CSMD1: variants seen among roughly 807,000 people sequenced by gnomAD.
The protein encoded by CSMD1 is CUB and Sushi multiple domains 1, also known as CUB and sushi domain-containing protein 1.
In CSMD1, 213 loss-of-function variants were observed where a neutral mutation model predicts 417.5. The observed-to-expected ratio is 0.51, with a 90% CI of 0.46 to 0.57. The LOEUF (loss-of-function observed/expected upper bound fraction) is 0.57. Ranked by LOEUF, CSMD1 falls within the 20% of genes least tolerant of loss-of-function variation. CSMD1 has a pLI of 0.00. For synonymous variants in CSMD1, 2,862 were observed against 1,736.8 expected, an observed-to-expected ratio of 1.65 and a Z score of -16.11; for missense variants, 6,923 against 4,529.7, an observed-to-expected ratio of 1.53 and a Z score of -15.17.
chr8:4,866,771 A>G lies in CSMD1; in HGVS notation c.85+127561T>C, dbSNP rs1004501837. ...CTCATTTTTTAAAATTATTATAAACACAAGGTAATGGACGAAAAGCAAAAA... is the reference window on the plus strand; with the variant it reads ...CTCATTTTTTAAAATTATTATAAACGCAAGGTAATGGACGAAAAGCAAAAA... On this transcript the variant is annotated intron_variant, in intron 1 of 69. Transcript: ENST00000635120. Among the ~76,000 whole-genome samples the G allele has an allele frequency of 3.9e-5, 6 of 152,058 alleles. No individual in the cohort carries two copies. In the East Asian group the frequency reaches 7.7e-4, roughly 19 times the overall value.
chr8:3,030,439 A>T (rs75087508), intron 50 of CSMD1, among the ~76,000 whole-genome samples: 6,432 of 151,864 alleles, frequency 0.042, 475 homozygotes, highest in African/African-American at 0.15. Context: ...GACTATAGCT[A>T]TTTTCAGAAT....
chr8:4,045,439 G>C (rs1165514382), intron 3 of CSMD1, among the ~76,000 whole-genome samples: 1 of 152,188 alleles, frequency 6.6e-6, no homozygotes, highest in Non-Finnish European at 1.5e-5. Flanking sequence ...AGAAATGACT[G>C]CTGAGAACGT....
intron 5 of CSMD1, among the ~76,000 whole-genome samples, chr8:3,878,578 T>A (rs1191395784): frequency 1.3e-5 from 2 of 152,188 alleles, no homozygotes; most frequent in Admixed American, 6.5e-5. Flanking sequence ...ATTGCGTGCA[T>A]TATTTCAAAC....
intron 4 of CSMD1, among the ~76,000 whole-genome samples, chr8:4,010,208 G>A (rs1419563009): frequency 2.6e-5 from 4 of 152,072 alleles, no homozygotes; most frequent in African/African-American, 7.2e-5. Flanking sequence ...GGCAGACTGT[G>A]CCCACCCACA....
At chr8:4,406,900 G>A (rs57264023) in intron 3 of CSMD1, among the ~76,000 whole-genome samples, 14,835 of 152,172 alleles carry the variant, frequency 0.097, 943 homozygotes, top group African/African-American at 0.17. Context: ...TCTCTATTGT[G>A]CATTGAGAAA....
intron 4 of CSMD1, among the ~76,000 whole-genome samples, chr8:4,030,944 C>G (rs1439418528): frequency 6.6e-6 from 1 of 152,176 alleles, no homozygotes; most frequent in Non-Finnish European, 1.5e-5. Flanking sequence ...AGTCTTTTTG[C>G]TAAAACGTAA....
chr8:3,116,553 C>G (rs1231820874), intron 42 of CSMD1, among the ~76,000 whole-genome samples: 1 of 152,064 alleles, frequency 6.6e-6, no homozygotes, highest in African/African-American at 2.4e-5. Context: ...TAAATTCATG[C>G]AGAGTTTAGC....
rs776572153 is a variant in CSMD1 at position 3,483,614 on chromosome 8, T to C, written c.1448+10009A>G. Among the ~76,000 whole-genome samples, 8 of 152,212 alleles carry C rather than the reference T, an allele frequency of 5.3e-5. No individual in the cohort carries two copies. The East Asian group carries it at 5.8e-4, about 11-fold the overall frequency. ...AAATAACAAAAGAGAAAATATTTTA[T>C]AGCCATTATAATCTTATAATGAAGA... On this transcript the variant is annotated intron_variant, in intron 11 of 69. Coordinates refer to ENST00000635120, the MANE Select transcript of CSMD1 (RefSeq NM_033225.6).
At chr8:4,314,603 T>TCACA (rs10610837) in intron 3 of CSMD1, among the ~76,000 whole-genome samples, 46 of 150,500 alleles carry the variant, frequency 3.1e-4, no homozygotes, top group African/African-American at 9.0e-4. Context: ...TATTACATTT[T>TCACA]CACACACACA....
At chr8:3,867,647 G>A (rs1287274955) in intron 5 of CSMD1, among the ~76,000 whole-genome samples, 8 of 152,016 alleles carry the variant, frequency 5.3e-5, no homozygotes, top group Admixed American at 3.3e-4. Context: ...CTATATCTAT[G>A]TATAGTATCT....
At chr8:4,862,537 GAGGTGGT>G (rs1287376196) in intron 1 of CSMD1, among the ~76,000 whole-genome samples, 16 of 152,050 alleles carry the variant, frequency 1.1e-4, no homozygotes, top group African/African-American at 3.9e-4. Context: ...AAGAGTAGTG[GAGGTGGT>G]AAGAAGAGAC....
chr8:4,212,267 A>C (rs1029824870), intron 3 of CSMD1, among the ~76,000 whole-genome samples: 4 of 151,822 alleles, frequency 2.6e-5, no homozygotes, highest in African/African-American at 9.7e-5. Context: ...ACTGACTCAG[A>C]TAAATACTAT....
intron 49 of CSMD1, among the ~76,000 whole-genome samples, chr8:3,055,118 T>A (rs535127396): frequency 6.6e-6 from 1 of 152,274 alleles, no homozygotes; most frequent in South Asian, 2.1e-4. Flanking sequence ...GGGAAAGAAA[T>A]GACATTTTTC....
chr8:3,938,520 A>T (rs763205910), intron 5 of CSMD1, among the ~76,000 whole-genome samples: 5 of 152,154 alleles, frequency 3.3e-5, no homozygotes, highest in Non-Finnish European at 7.4e-5. Flanking sequence ...AACAATGGAC[A>T]GACTCTGTTG....
At chr8:4,437,073 A>G (rs578069331) in intron 2 of CSMD1, among the ~76,000 whole-genome samples, 2 of 152,292 alleles carry the variant, frequency 1.3e-5, no homozygotes, top group East Asian at 1.9e-4. Context: ...GGGACAGGCT[A>G]TGGAAGAACA....
intron 49 of CSMD1, among the ~76,000 whole-genome samples, chr8:3,060,827 G>C (rs766514521): frequency 2.8e-4 from 42 of 152,100 alleles, no homozygotes; most frequent in Non-Finnish European, 2.2e-4. Flanking sequence ...CCTATAAAAG[G>C]GCTTTATGGA....
intron 1 of CSMD1, among the ~76,000 whole-genome samples, chr8:4,948,019 T>G (rs1419850757): frequency 6.6e-6 from 1 of 152,060 alleles, no homozygotes. Context: ...TGTCAGCTTG[T>G]GTTACACATT....
intron 41 of CSMD1, among the ~76,000 whole-genome samples, chr8:3,120,823 G>C (rs1211774476): frequency 6.6e-6 from 1 of 152,020 alleles, no homozygotes; most frequent in African/African-American, 2.4e-5. Context: ...CTCCAGCCTG[G>C]CGACACAGTG....
At chr8:3,073,079 A>T (rs1563862) in intron 49 of CSMD1, among the ~76,000 whole-genome samples, 92,278 of 152,070 alleles carry the variant, frequency 0.61, 28,307 homozygotes, top group Non-Finnish European at 0.62. Context: ...TCTTAAAGTT[A>T]GTTAAAATGA....
Sources: gnomAD v4.1 joint callset for allele counts (sites outside exome capture counted in the v4.1 genomes callset) on GRCh38, gnomAD v4.1.1 for gene constraint, MANE v1.5 for transcripts, NCBI Gene and HGNC (gene_info 2026-07-23, HGNC 2026-07-21) for gene names.